The following EFCAB6 variants were observed in gnomAD, a reference collection of about 807,000 sequenced individuals.
The protein encoded by EFCAB6 is EF-hand calcium-binding domain-containing protein 6.
A neutral mutation model predicts 169.8 loss-of-function variants in EFCAB6; 156 were observed. The ratio of observed to expected loss-of-function variants is 0.92; its 90% CI spans 0.81 to 1.05. EFCAB6 has a LOEUF of 1.05. EFCAB6 is among the 50% of genes least tolerant of loss of function. The pLI is 0.00. For missense variants in EFCAB6, 1,800 were observed against 1,829.1 expected (o/e 0.98, Z 0.29); for synonymous variants, 698 against 676.4 (o/e 1.03, Z -0.50).
chr22:43,706,781 A>G (rs1256243275), intron 10 of EFCAB6, among the ~76,000 whole-genome samples: 7 of 152,194 alleles, frequency 4.6e-5, no homozygotes. Context: ...TTTAGCCCCC[A>G]AAGGTTCATC....
At chr22:43,678,332 TGTGTGTGTG>T (rs2057863023) in intron 12 of EFCAB6, among the ~76,000 whole-genome samples, 169 bp from the exon 13 acceptor site, 1 of 79,610 alleles carries the variant, frequency 1.3e-5, no homozygotes, top group Admixed American at 1.1e-4. Context: ...ATGAGCACTG[TGTGTGTGTG>T]TGTGTGTGTG....
chr22:43,555,988 GCTCA>G (rs530591225), intron 26 of EFCAB6, among the ~76,000 whole-genome samples: 79 of 152,362 alleles, frequency 5.2e-4, no homozygotes, highest in African/African-American at 1.9e-3. Context: ...ATCTGCGGAT[GCTCA>G]CTGTGGCAGA....
chr22:43,636,392 C>T (rs539444998), intron 17 of EFCAB6, among the ~76,000 whole-genome samples: 233 of 152,210 alleles, frequency 1.5e-3, no homozygotes, highest in African/African-American at 5.4e-3. Context: ...ATGGTCACTG[C>T]GCAGCACCCC....
chr22:43,579,602 G>GCATGCAGGCATCATTCTGTA, intron 25 of EFCAB6, among the ~76,000 whole-genome samples: 1 of 54,770 alleles, frequency 1.8e-5, no homozygotes, highest in African/African-American at 7.3e-5. Context: ...ATCATTCCCT[G>GCATGCAGGCATCATTCTGTA]CATGCAGGCA....
chr22:43,720,037 C>T (rs2059465450), intron 8 of EFCAB6, among the ~76,000 whole-genome samples: 1 of 152,146 alleles, frequency 6.6e-6, no homozygotes, highest in African/African-American at 2.4e-5. Flanking sequence ...AAAAGGTATC[C>T]ATGTGAGGTG....
chr22:43,689,221 G>A (rs1447404610), intron 10 of EFCAB6, among the ~76,000 whole-genome samples: 1 of 152,002 alleles, frequency 6.6e-6, no homozygotes, highest in Non-Finnish European at 1.5e-5. Context: ...GGGGCGCAGG[G>A]CCGGAGGCAG....
Position 43,668,031 on chromosome 22 carries a change from C to T in EFCAB6, c.1815-759G>A, listed in dbSNP as rs189085394. Among the ~76,000 whole-genome samples, 17 of 152,256 alleles carry T rather than the reference C, an allele frequency of 1.1e-4. No individual in the cohort carries two copies. In the East Asian group the frequency reaches 2.7e-3, roughly 24 times the overall value. On this transcript the variant is annotated intron_variant, in intron 16 of 31. Coordinates refer to ENST00000262726, the MANE Select transcript of EFCAB6 (RefSeq NM_022785.4). Reference sequence around the variant, plus strand: ...TTTATGAAATGTTTAATTGCCATTGCTTCTTTCACCAGTTTTAGGAAGCAA... The same window carrying T: ...TTTATGAAATGTTTAATTGCCATTGTTTCTTTCACCAGTTTTAGGAAGCAA...
intron 25 of EFCAB6, among the ~76,000 whole-genome samples, chr22:43,578,567 G>A (rs2050413141): frequency 1.3e-5 from 2 of 152,058 alleles, no homozygotes; most frequent in South Asian, 4.1e-4. Flanking sequence ...CAGGAGGCTG[G>A]TTCCAAGCAC....
At chr22:43,650,380 T>C (rs1301976611) in intron 17 of EFCAB6, among the ~76,000 whole-genome samples, 1 of 152,246 alleles carries the variant, frequency 6.6e-6, no homozygotes, top group Non-Finnish European at 1.5e-5. Context: ...ATTTATTGCC[T>C]GCCGCCATCC....
chr22:43,556,958 C>G (rs986102439), intron 26 of EFCAB6, among the ~76,000 whole-genome samples: 2 of 152,196 alleles, frequency 1.3e-5, no homozygotes, highest in Non-Finnish European at 2.9e-5. Flanking sequence ...GAGCATGTCC[C>G]TAAGGGATGT....
intron 26 of EFCAB6, among the ~76,000 whole-genome samples, chr22:43,570,802 G>A (rs1003186520): frequency 2.6e-5 from 4 of 152,118 alleles, no homozygotes; most frequent in South Asian, 2.1e-4. Context: ...TTCCCTTCCC[G>A]GAAGCTCGCA....
At chr22:43,800,296 A>G (rs1437973077) in intron 2 of EFCAB6, among the ~76,000 whole-genome samples, 1 of 152,220 alleles carries the variant, frequency 6.6e-6, no homozygotes, top group East Asian at 1.9e-4. Flanking sequence ...GGTACCAACA[A>G]CTACAGCGGA....
At chr22:43,595,975 C>T (rs1203652841) in intron 23 of EFCAB6, among the ~76,000 whole-genome samples, 1 of 152,114 alleles carries the variant, frequency 6.6e-6, no homozygotes, top group Non-Finnish European at 1.5e-5. Flanking sequence ...TACATCACAT[C>T]AACAGAATAA....
At chr22:43,548,458 T>C (rs938229345) in intron 27 of EFCAB6, among the ~76,000 whole-genome samples, 2 of 139,366 alleles carry the variant, frequency 1.4e-5, no homozygotes, top group African/African-American at 5.4e-5. Context: ...GAGAATTGCT[T>C]GAACCCAGGA....
At chr22:43,584,596 G>A (rs2050937429) in intron 24 of EFCAB6, among the ~76,000 whole-genome samples, 1 of 152,088 alleles carries the variant, frequency 6.6e-6, no homozygotes, top group African/African-American at 2.4e-5. Flanking sequence ...AACTTTCCAA[G>A]GGAAAAGACT....
chr22:43,621,695 C>A (rs368688123), intron 20 of EFCAB6, among the ~76,000 whole-genome samples: 2 of 151,240 alleles, frequency 1.3e-5, no homozygotes, highest in African/African-American at 4.9e-5. Context: ...TAATAAAGAC[C>A]AAAAATCAAT....
At chr22:43,697,665 T>A (rs1344937569) in intron 10 of EFCAB6, among the ~76,000 whole-genome samples, 1 of 152,162 alleles carries the variant, frequency 6.6e-6, no homozygotes, top group Non-Finnish European at 1.5e-5. Flanking sequence ...CAGCTGATTA[T>A]TTTGCTCCTA....
chr22:43,638,902 C>T (rs756412439), intron 17 of EFCAB6, among the ~76,000 whole-genome samples: 13 of 151,854 alleles, frequency 8.6e-5, no homozygotes, highest in Non-Finnish European at 1.3e-4. Flanking sequence ...TCTCCTGCCT[C>T]AGCCTCCCGA....
At chr22:43,729,700 A>G (rs1430389486) in intron 8 of EFCAB6, among the ~76,000 whole-genome samples, 1 of 152,200 alleles carries the variant, frequency 6.6e-6, no homozygotes, top group African/African-American at 2.4e-5. Flanking sequence ...GTAAAAGGAG[A>G]GTTGAATGGC....
Sources: allele counts gnomAD v4.1 joint callset (sites outside exome capture counted in the v4.1 genomes callset), GRCh38; gene constraint gnomAD v4.1.1; transcripts MANE v1.5; gene names NCBI Gene and HGNC (gene_info 2026-07-23, HGNC 2026-07-21).